Variants in DSTYK observed in about 807,000 individuals in gnomAD.
The protein encoded by DSTYK is RIP-homologous kinase.
In DSTYK, 34 loss-of-function variants were observed where a neutral mutation model predicts 98.7. The observed-to-expected ratio is 0.34, with a 90% CI of 0.26 to 0.46. The LOEUF (loss-of-function observed/expected upper bound fraction) is 0.46, where lower values mean the gene tolerates loss of function less well. Ranked by LOEUF, DSTYK falls within the 20% of genes least tolerant of loss-of-function variation. DSTYK has a pLI of 1.00. For missense variants in DSTYK, 962 were observed against 1,181.7 expected (o/e 0.81, Z 2.73); for synonymous variants, 462 against 457.3 (o/e 1.01, Z -0.13).
intron 1 of DSTYK, among the ~76,000 whole-genome samples, chr1:205,207,952 C>T (rs1659259093): frequency 6.6e-6 from 1 of 151,946 alleles, no homozygotes; most frequent in Non-Finnish European, 1.5e-5. Flanking sequence ...TTTCGGCTCA[C>T]CACAACCTCC....
At position 205,169,929 on chromosome 1, in the gene DSTYK, A is replaced by C; in HGVS notation, c.655-97T>G. On this transcript the variant is annotated intron_variant, in intron 2 of 12. Coordinates refer to ENST00000367162, the MANE Select transcript of DSTYK (RefSeq NM_015375.3). The surrounding 1 kb of genome is among the most constrained non-coding windows in gnomAD (Gnocchi z 4.0). ...ACTGAGACCAAAATCCTGATCTACA[A>C]TGGAACAATTGGACTTCGGTACCCC... is the stretch of plus-strand genomic sequence containing the variant. 8.4e-7 allele frequency: 1 copy of C among 1,195,016 alleles called. No homozygotes were observed. The highest frequency in any genetic ancestry group is 1.2e-6 in the Non-Finnish European group (1 of 866,008). The allele number at this position is 1,195,016 out of a possible 1,614,324, so 74.0% of individuals were successfully genotyped here.
chr1:205,187,605 G>A lies in DSTYK; in HGVS notation c.467C>T (p.Thr156Ile). The change falls in exon 2 of 13, where the codon ACC becomes ATC. Residue 156 changes from threonine to isoleucine, a missense_variant. Transcript: ENST00000367162. Reference protein sequence around the residue: ...ESCKLRRLRFTYGTQTRVSLA... With the variant: ...ESCKLRRLRFIYGTQTRVSLA... ...GCTGACCCGAGTCTGAGTCCCATAG[G>A]TGAAGCGGAGGCGCCGAAGCTTACA... The A allele has an allele frequency of 6.2e-7, 1 of 1,614,172 alleles. No homozygotes were observed. Among genetic ancestry groups the A allele is most frequent in the Non-Finnish European group, 8.5e-7 (1 of 1,180,044 alleles).
rs189515321 is a variant in DSTYK, at chr1:205,156,322, C to T, written c.2352+951G>A. Among the ~76,000 whole-genome samples, 646 of 152,328 alleles carry T rather than the reference C, an allele frequency of 4.2e-3. 7 individuals are homozygous for T. Among genetic ancestry groups the T allele is most frequent in the Non-Finnish European group, 6.1e-3 (418 of 68,032 alleles). ...TTGCACCGTGTGCCTAGAAAAGCCA[C>T]AGACACTCAACACCAGCCCATGAAA... On this transcript the variant is annotated intron_variant, in intron 10 of 12. Transcript: ENST00000367162.
chr1:205,187,677 A>C lies in DSTYK; in HGVS notation c.395T>G (p.Leu132Trp). 1 of 1,614,180 alleles carries C rather than the reference A, an allele frequency of 6.2e-7. No homozygotes were observed. The highest frequency in any genetic ancestry group is 8.5e-7 in the Non-Finnish European group (1 of 1,180,034). Residue 132 changes from leucine to tryptophan, a missense_variant, in exon 2 of 13, where the codon TTG (leucine) becomes TGG (tryptophan). By Grantham distance (61) the Leu-to-Trp change is moderately conservative. Coordinates refer to ENST00000367162, the MANE Select transcript of DSTYK (RefSeq NM_015375.3). ...GGTGGTGGGAAGCACCTGCACCCCC[A>C]ACAGCAGATTCAACAGCTGGCACTT... ...NVKCQLLNLL[L>W]GVQVLPTTKL...
intron 1 of DSTYK, among the ~76,000 whole-genome samples, chr1:205,201,953 G>A (rs1659052880): frequency 6.6e-6 from 1 of 152,076 alleles, no homozygotes. Flanking sequence ...CAGCTACTCA[G>A]GAAGGCTGAG....
chr1:205,193,059 G>C (rs1405694510), intron 1 of DSTYK, among the ~76,000 whole-genome samples: 1 of 152,128 alleles, frequency 6.6e-6, no homozygotes, highest in Non-Finnish European at 1.5e-5. Context: ...AAACCATGAG[G>C]AATAAAGCAT....
At position 205,181,006 on chromosome 1, in the gene DSTYK, A is replaced by G. The variant is rs138400574; in HGVS notation, c.654+6412T>C. On this transcript the variant is annotated intron_variant, in intron 2 of 12. Coordinates refer to ENST00000367162, the MANE Select transcript of DSTYK (RefSeq NM_015375.3). ...ATAGGATTACTGCCATGAAGAATTT[A>G]TAATTTAGCATTTACCTGAACTTTC... 4.9e-4 allele frequency among the ~76,000 whole-genome samples: 75 copies of G among 152,358 alleles called. No individual in the cohort carries two copies. In the East Asian group the frequency reaches 0.011, roughly 23 times the overall value.
intron 1 of DSTYK, among the ~76,000 whole-genome samples, chr1:205,197,343 G>T (rs1017067568): frequency 8.5e-5 from 13 of 152,070 alleles, no homozygotes; most frequent in Admixed American, 5.2e-4. Context: ...CTCTCAAAAG[G>T]TTCAGAAAAA....
At chr1:205,197,909 G>T (rs186519461) in intron 1 of DSTYK, among the ~76,000 whole-genome samples, 307 of 152,270 alleles carry the variant, frequency 2.0e-3, no homozygotes, top group African/African-American at 6.9e-3. Flanking sequence ...AAGAAACCAC[G>T]AAGGCCGGGC....
intron 1 of DSTYK, among the ~76,000 whole-genome samples, chr1:205,201,352 A>T (rs1466489310): frequency 6.6e-6 from 1 of 151,588 alleles, no homozygotes; most frequent in Non-Finnish European, 1.5e-5. Flanking sequence ...GTATCCCATA[A>T]ATATATAAAC....
chr1:205,194,984 C>T (rs1231601191), intron 1 of DSTYK, among the ~76,000 whole-genome samples: 1 of 151,458 alleles, frequency 6.6e-6, no homozygotes, highest in Non-Finnish European at 1.5e-5. Context: ...AGGCAAGTGC[C>T]ACTAATTTTT....
At chr1:205,170,829 C>G (rs950753312) in intron 2 of DSTYK, among the ~76,000 whole-genome samples, 2 of 151,994 alleles carry the variant, frequency 1.3e-5, no homozygotes, top group Non-Finnish European at 2.9e-5. Context: ...TGTCCTTTGG[C>G]CTTGTCCTTC....
chr1:205,190,933 T>C (rs1472545151), intron 1 of DSTYK, among the ~76,000 whole-genome samples: 1 of 152,174 alleles, frequency 6.6e-6, no homozygotes, highest in Non-Finnish European at 1.5e-5. Flanking sequence ...CTAAATCACT[T>C]TTCAGGACGA....
chr1:205,159,700 C>A, intron 8 of DSTYK, 21 bp from the exon 9 acceptor site: 1 of 1,612,396 alleles, frequency 6.2e-7, no homozygotes, highest in East Asian at 2.2e-5. Flanking sequence ...GGAGAGAGAT[C>A]TGGGCTACAA....
In DSTYK at chr1:205,187,563, T is replaced by G. The variant is rs751625087; in HGVS notation, c.509A>C (p.Gln170Pro). ...AACCAGCGTGTGCACTAGTTCATAC[T>G]GTCCAGGGAGCGCCAGGCTGACCCG... Reference protein sequence around the residue: ...QTRVSLALPGQYELVHTLVAH... With the variant: ...QTRVSLALPGPYELVHTLVAH... The change falls in exon 2 of 13, where the codon CAG (glutamine) becomes CCG (proline). Residue 170 changes from glutamine to proline, a missense_variant. By Grantham distance (76) the Gln-to-Pro change is moderately conservative. Coordinates refer to ENST00000367162, the MANE Select transcript of DSTYK (RefSeq NM_015375.3). The G allele has an allele frequency of 4.3e-6, 7 of 1,614,068 alleles. No individual in the cohort carries two copies. The highest frequency in any genetic ancestry group is 5.9e-6 in the Non-Finnish European group (7 of 1,180,058).
At chr1:205,204,224 C>T (rs1038459519) in intron 1 of DSTYK, among the ~76,000 whole-genome samples, 2 of 152,112 alleles carry the variant, frequency 1.3e-5, no homozygotes, top group African/African-American at 4.8e-5. Context: ...GCCTGGGTGA[C>T]GACTCATCTG....
At chr1:205,202,528 G>C in intron 1 of DSTYK, 1 of 874,106 alleles carries the variant, frequency 1.1e-6, no homozygotes, top group Non-Finnish European at 1.9e-6. Context: ...TTCTCTGGTC[G>C]TTGGGCATAT....
chr1:205,202,113 AGAAGGGGAAGGGAAGGGAAGGG>A, intron 1 of DSTYK: 1 of 341,012 alleles, frequency 2.9e-6, no homozygotes, highest in South Asian at 1.8e-5. Context: ...GGGGGAAGGG[AGAAGGGGAAGGGAAGGGAAGGG>A]GAAGGGGAAG....
In DSTYK at chr1:205,143,992, T is replaced by G. The variant is rs899897631; in HGVS notation, c.*3566A>C. ...ACCAGCACAGTCCTCCTGAAGCGCT[T>G]GCTCAGTCAATGAGCTACTCTTTGC... On this transcript the variant is annotated 3_prime_UTR_variant, in exon 13 of 13. Coordinates refer to ENST00000367162, the MANE Select transcript of DSTYK (RefSeq NM_015375.3). 1 of 152,660 alleles carries G rather than the reference T, an allele frequency of 6.6e-6. No individual in the cohort carries two copies. Among genetic ancestry groups the G allele is most frequent in the Non-Finnish European group, 1.5e-5 (1 of 68,044 alleles). 9.5% of individuals were successfully genotyped at this position (152,660 alleles called of 1,614,324 possible). A position where few individuals can be genotyped will look rare whatever the true frequency, so the allele number is the denominator to read the frequency against.
Sources: allele counts gnomAD v4.1 joint callset (sites outside exome capture counted in the v4.1 genomes callset), GRCh38; gene constraint gnomAD v4.1.1; non-coding constraint Gnocchi (gnomAD v3.1); transcripts MANE v1.5; gene names NCBI Gene and HGNC (gene_info 2026-07-23, HGNC 2026-07-21).